The following DYSF variants were observed in gnomAD, a reference collection of about 807,000 sequenced individuals.
DYSF encodes the protein dysferlin.
Under a neutral mutation model 274.9 loss-of-function variants are expected in DYSF, and 212 were observed. That is an observed-to-expected ratio of 0.77 (90% CI 0.69 to 0.86). DYSF has a LOEUF of 0.86. Ranked by LOEUF, DYSF falls within the 40% of genes least tolerant of loss-of-function variation. The pLI is 0.00. For missense variants in DYSF, 2,666 were observed against 2,783.2 expected, an observed-to-expected ratio of 0.96 and a Z score of 0.95; for synonymous variants, 1,091 against 1,078.7, an observed-to-expected ratio of 1.01 and a Z score of -0.22.
At chr2:71,459,388 A>G (rs2081194471) in intron 1 of DYSF, among the ~76,000 whole-genome samples, 1 of 152,202 alleles carries the variant, frequency 6.6e-6, no homozygotes. Context: ...TAGGGCCACA[A>G]ATAAGTAGTG....
intron 30 of DYSF, among the ~76,000 whole-genome samples, chr2:71,575,891 C>T (rs578100417): frequency 2.0e-5 from 3 of 152,324 alleles, no homozygotes; most frequent in African/African-American, 7.2e-5. Context: ...CTGTCTTGGC[C>T]TTGTCTCACA....
intron 24 of DYSF, among the ~76,000 whole-genome samples, chr2:71,565,266 A>ATTTTTTTTTTTTTTTTTTTTTTTTT (rs1236133814): frequency 4.4e-5 from 5 of 113,804 alleles, no homozygotes; most frequent in African/African-American, 1.4e-4. Context: ...TTTTTTTTTA[A>ATTTTTTTTTTTTTTTTTTTTTTTTT]TTTTAGTGGA....
In DYSF at chr2:71,660,456, C is replaced by T. The variant is rs114239741; in HGVS notation, c.4912-104C>T. Reference sequence around the variant, plus strand: ...CAGGACACAGCCCACATCTCAACTTCCTGATGGCTGCTCCCTCATCCCATC... The same window carrying T: ...CAGGACACAGCCCACATCTCAACTTTCTGATGGCTGCTCCCTCATCCCATC... On this transcript the variant is annotated intron_variant, in intron 44 of 55. Transcript: ENST00000410020. 0.015 allele frequency: 14,743 copies of T among 977,632 alleles called. 170 individuals are homozygous for T. The highest frequency in any genetic ancestry group is 0.024 in the Middle Eastern group (99 of 4,066). The allele number at this position is 977,632 out of a possible 1,614,324, so 60.6% of individuals were successfully genotyped here.
rs150460829 is a variant in DYSF, at chr2:71,585,899, C to T, written c.3403-3694C>T. ...GCCCAGGAGGGGTACCTAACACATC[C>T]TTGCAGGGTGACCTTGATGATAAGA... is the stretch of plus-strand genomic sequence containing the variant. On this transcript the variant is annotated intron_variant, in intron 30 of 55. Coordinates refer to ENST00000410020, the MANE Select transcript of DYSF (RefSeq NM_001130987.2). 2.5e-3 allele frequency among the ~76,000 whole-genome samples: 379 copies of T among 152,202 alleles called. 5 individuals are homozygous for T. Among genetic ancestry groups the T allele is most frequent in the East Asian group, 0.016 (83 of 5,162 alleles).
chr2:71,613,589 AG>A (rs1045481712), intron 40 of DYSF, among the ~76,000 whole-genome samples, 179 bp downstream of exon 40: 3 of 152,030 alleles, frequency 2.0e-5, no homozygotes, highest in African/African-American at 7.2e-5. Context: ...AGTCTGGCTG[AG>A]GGGGGTGGGG....
chr2:71,679,968 C>G (rs1342320850), intron 53 of DYSF, among the ~76,000 whole-genome samples: 1 of 152,148 alleles, frequency 6.6e-6, no homozygotes, highest in Non-Finnish European at 1.5e-5. Context: ...AGATATGTTC[C>G]AAGACCCCCA....
chr2:71,544,442 C>T (rs1219620401), intron 17 of DYSF, among the ~76,000 whole-genome samples: 1 of 147,770 alleles, frequency 6.8e-6, no homozygotes, highest in Admixed American at 6.9e-5. Context: ...GGAGGAGATA[C>T]CATTTTTAAA....
chr2:71,618,926 C>A (rs1037522615), intron 40 of DYSF, among the ~76,000 whole-genome samples: 1 of 151,624 alleles, frequency 6.6e-6, no homozygotes, highest in Non-Finnish European at 1.5e-5. Context: ...GGCTCCCAGG[C>A]GCTGGGGCTG....
At chr2:71,526,195 G>T (rs772817641) in intron 12 of DYSF, 25 bp from the exon 13 acceptor site, 5 of 1,614,214 alleles carry the variant, frequency 3.1e-6, no homozygotes, top group Non-Finnish European at 4.2e-6. Flanking sequence ...GCGCATGAAG[G>T]AATCGTATTT....
intron 4 of DYSF, among the ~76,000 whole-genome samples, chr2:71,506,591 G>A (rs1262829642): frequency 6.6e-6 from 1 of 151,834 alleles, no homozygotes; most frequent in African/African-American, 2.4e-5. Flanking sequence ...TGTGTAGTCC[G>A]GGAGAGCACA....
chr2:71,596,354 C>T (rs981746404), intron 32 of DYSF, among the ~76,000 whole-genome samples: 1 of 152,120 alleles, frequency 6.6e-6, no homozygotes, highest in Non-Finnish European at 1.5e-5. Flanking sequence ...TAAACGCGGT[C>T]GGTCTGGGGC....
chr2:71,483,231 C>T (rs1347445767), intron 3 of DYSF, among the ~76,000 whole-genome samples: 6 of 152,194 alleles, frequency 3.9e-5, no homozygotes, highest in Non-Finnish European at 4.4e-5. Flanking sequence ...GGGCCCGTCT[C>T]TTCCAGCTGT....
intron 41 of DYSF, among the ~76,000 whole-genome samples, chr2:71,633,355 C>T (rs548319112): frequency 6.6e-6 from 1 of 152,132 alleles, no homozygotes; most frequent in South Asian, 2.1e-4. Flanking sequence ...GTAAATAGTC[C>T]ATTTCCTAAA....
intron 41 of DYSF, among the ~76,000 whole-genome samples, chr2:71,641,242 A>G (rs1015947058): frequency 7.1e-6 from 1 of 140,772 alleles, no homozygotes; most frequent in Non-Finnish European, 1.5e-5. Flanking sequence ...GCAGTGGCGC[A>G]ATCTCGGCTC....
Position 71,528,313 on chromosome 2 carries a change from T to G in DYSF, c.1292T>G (p.Met431Arg). ...CTCTTCCCAGTGGACGATGCCGTGA[T>G]GGACAACGTGAAACAGATCTTTGGC... Reference protein sequence around the residue: ...EDLPQMDDAVMDNVKQIFGFE... With the variant: ...EDLPQMDDAVRDNVKQIFGFE... Residue 431 changes from methionine (M) to arginine (R), a missense_variant, in exon 14 of 56, where the codon ATG becomes AGG. Coordinates refer to ENST00000410020, the MANE Select transcript of DYSF (RefSeq NM_001130987.2). 1 of 1,614,068 alleles carries G rather than the reference T, an allele frequency of 6.2e-7. No individual in the cohort carries two copies. The highest frequency in any genetic ancestry group is 8.5e-7 in the Non-Finnish European group (1 of 1,179,994).
At position 71,644,152 on chromosome 2, in the gene DYSF, G is replaced by A. The variant is rs1158947339; in HGVS notation, c.4626+89G>A. 6 of 1,129,026 alleles carry A rather than the reference G, an allele frequency of 5.3e-6. No individual in the cohort carries two copies. The Admixed American group carries it at 9.9e-5, about 19-fold the overall frequency. 69.9% of individuals were successfully genotyped at this position (1,129,026 alleles called of 1,614,324 possible). A position where few individuals can be genotyped will look rare whatever the true frequency, so the allele number is the denominator to read the frequency against. On this transcript the variant is annotated intron_variant, in intron 42 of 55. Transcript: ENST00000410020. Reference sequence around the variant, plus strand: ...CAGAAAGAGAGCTCATGCAGTAGATGTATTTGCATTTGTCTCCTCATTCGG... The same window carrying A: ...CAGAAAGAGAGCTCATGCAGTAGATATATTTGCATTTGTCTCCTCATTCGG...
chr2:71,522,653 G>A (rs2087426518), intron 12 of DYSF, among the ~76,000 whole-genome samples: 1 of 152,124 alleles, frequency 6.6e-6, no homozygotes, highest in South Asian at 2.1e-4. Context: ...TGGACGCTCA[G>A]TTTCAGTTGC....
chr2:71,546,928 G>A (rs2090522704), intron 17 of DYSF, among the ~76,000 whole-genome samples: 1 of 152,224 alleles, frequency 6.6e-6, no homozygotes, highest in Non-Finnish European at 1.5e-5. Flanking sequence ...TGCAGGGCTG[G>A]GACTTGTGGC....
intron 17 of DYSF, among the ~76,000 whole-genome samples, chr2:71,548,920 C>T (rs2152783003): frequency 6.6e-6 from 1 of 152,346 alleles, no homozygotes; most frequent in African/African-American, 2.4e-5. Context: ...GTGTGCCTTG[C>T]TGCCTAGCTC....
Sources: allele counts gnomAD v4.1 joint callset (sites outside exome capture counted in the v4.1 genomes callset), GRCh38; gene constraint gnomAD v4.1.1; transcripts MANE v1.5; gene names NCBI Gene and HGNC (gene_info 2026-07-23, HGNC 2026-07-21).